TLE3: variants seen among roughly 807,000 people sequenced by gnomAD.
TLE3 encodes the protein TLE family member 3, transcriptional corepressor, also known as transducin-like enhancer protein 3.
TLE3 carries 14 observed loss-of-function variants against 93.0 expected under a neutral mutation model. The ratio of observed to expected loss-of-function variants is 0.15; its 90% confidence interval spans 0.10 to 0.24. The LOEUF is 0.24. Ranked by LOEUF, TLE3 falls within the 10% of genes least tolerant of loss-of-function variation. TLE3 has a pLI of 1.00. For missense variants in TLE3, 693 were observed against 1,046.6 expected, an observed-to-expected ratio of 0.66 and a Z score of 4.66; for synonymous variants, 451 against 425.0, an observed-to-expected ratio of 1.06 and a Z score of -0.75.
At chr15:70,078,039 T>G (rs1474002471) in intron 4 of TLE3, among the ~76,000 whole-genome samples, 1 of 152,212 alleles carries the variant, frequency 6.6e-6, no homozygotes, top group Non-Finnish European at 1.5e-5. Context: ...GCCCGTTCTG[T>G]GCACTGCAGG....
At chr15:70,051,363 A>G (rs1566977430) in intron 19 of TLE3, 28 bp downstream of exon 19, 1 of 1,587,514 alleles carries the variant, frequency 6.3e-7, no homozygotes, top group Non-Finnish European at 8.6e-7. Context: ...GGTAGAACCC[A>G]GAGGAGGACT....
At chr15:70,064,738 C>T (rs548321388) in intron 7 of TLE3, among the ~76,000 whole-genome samples, 1 of 152,050 alleles carries the variant, frequency 6.6e-6, no homozygotes, top group African/African-American at 2.4e-5. Context: ...CAAGGGAGGC[C>T]CAGTCCCCAG....
chr15:70,054,347 G>A (rs2055828550), intron 16 of TLE3, 91 bp downstream of exon 16: 2 of 1,533,076 alleles, frequency 1.3e-6, no homozygotes, highest in African/African-American at 1.4e-5. Context: ...CAGTGCCTCA[G>A]ACAGGGCCAA....
At chr15:70,086,281 CA>C (rs2058033044) in intron 4 of TLE3, among the ~76,000 whole-genome samples, 1 of 152,202 alleles carries the variant, frequency 6.6e-6, no homozygotes, top group Admixed American at 6.5e-5. Context: ...TCATTTTCCC[CA>C]GCAGAAATCA....
At position 70,056,333 on chromosome 15, in the gene TLE3, G is replaced by C; in HGVS notation, c.1293C>G (p.Leu431=). 6.2e-7 allele frequency: 1 copy of C among 1,613,666 alleles called. No homozygotes were observed. Among genetic ancestry groups the C allele is most frequent in the South Asian group, 1.1e-5 (1 of 91,086 alleles). ...DPHPPMRATG[L]PSSLASIPGG... is the part of the protein sequence containing the mutation. ...CAGGAATGGAGGCCAGGCTTGAGGG[G>C]AGGCCTGTGGCCCGCATCGGGGGGT... Residue 431 remains leucine, a synonymous_variant, in exon 14 of 20, where the codon CTC becomes CTG. Transcript: ENST00000451782.
intron 1 of TLE3, 175 bp from the exon 2 acceptor site, chr15:70,096,436 C>T: frequency 8.0e-7 from 1 of 1,253,208 alleles, no homozygotes; most frequent in Non-Finnish European, 1.1e-6. Context: ...CCATCTCTCC[C>T]CGTCGGCAGC....
Position 70,047,891 on chromosome 15 carries a change from T to C in TLE3, c.*2206A>G, listed in dbSNP as rs1340138655. The C allele has an allele frequency of 6.6e-6, 1 of 152,208 alleles. No individual in the cohort carries two copies. The highest frequency in any genetic ancestry group is 1.5e-5 in the Non-Finnish European group (1 of 68,060). 9.4% of individuals were successfully genotyped at this position (152,208 alleles called of 1,614,324 possible). ...AACCTGTGGTCTTCCTTCACCTCAG[T>C]GAACTCTGCCCTGCCCATCTGTCCA... On this transcript the variant is annotated 3_prime_UTR_variant, in exon 20 of 20. Transcript: ENST00000451782.
chr15:70,089,111 C>G (rs150636814), intron 4 of TLE3, among the ~76,000 whole-genome samples: 11 of 152,204 alleles, frequency 7.2e-5, no homozygotes, highest in Non-Finnish European at 1.3e-4. Flanking sequence ...ACTGCCTTGC[C>G]GCGAGCTGTT....
At chr15:70,074,389 C>T in intron 6 of TLE3, 144 bp downstream of exon 6, 1 of 1,023,266 alleles carries the variant, frequency 9.8e-7, no homozygotes, top group Non-Finnish European at 1.4e-6. Flanking sequence ...GGGTCCAAGC[C>T]CTTGGGGTGC....
At chr15:70,062,280 C>T (rs1040493433) in intron 8 of TLE3, among the ~76,000 whole-genome samples, 1 of 152,228 alleles carries the variant, frequency 6.6e-6, no homozygotes, top group African/African-American at 2.4e-5. Context: ...GCAGAAAAAT[C>T]ACCGTCATTT....
chr15:70,060,957 T>G (rs977032924), intron 8 of TLE3, among the ~76,000 whole-genome samples: 14 of 152,222 alleles, frequency 9.2e-5, no homozygotes, highest in African/African-American at 3.4e-4. Context: ...CTACGCTCTG[T>G]GAGGGCGAGG....
At position 70,082,958 on chromosome 15, in the gene TLE3, T is replaced by C. The variant is rs368108945; in HGVS notation, c.235-6800A>G. 2.8e-4 allele frequency among the ~76,000 whole-genome samples: 42 copies of C among 151,586 alleles called. No homozygotes were observed. The Middle Eastern group carries it at 0.01, about 37-fold the overall frequency. On this transcript the variant is annotated intron_variant, in intron 4 of 19. Transcript: ENST00000451782. ...CCTCTTTTCTTCCAGGGGTCTACAG[T>C]GTAAGGGAACTGGGGATGGTTAGGC... is the stretch of plus-strand genomic sequence containing the variant.
In TLE3 at chr15:70,054,573, C is replaced by T. The variant is rs1227732728; in HGVS notation, c.1691G>A (p.Arg564His). The T allele has an allele frequency of 1.2e-6, 2 of 1,613,670 alleles. No homozygotes were observed. The highest frequency in any genetic ancestry group is 1.7e-6 in the Non-Finnish European group (2 of 1,179,814). Residue 564 changes from arginine (R) to histidine (H), a missense_variant, in exon 16 of 20, where the codon CGC becomes CAC. Around this residue, in one of 4 missense-constraint regions of TLE3, gnomAD observed 153 missense variants for 379.9 expected, o/e 0.40. Coordinates refer to ENST00000451782, the MANE Select transcript of TLE3 (RefSeq NM_001105192.3). The part of the protein sequence containing the change: ...TIWDLASPTP[R>H]IKAELTSSAP... ...CGAGGACGTCAGCTCGGCCTTGATG[C>T]GGGGCGTGGGCGAGGCCAGGTCCCA...
intron 6 of TLE3, chr15:70,066,549 G>C (rs2056831078): frequency 4.0e-6 from 1 of 252,098 alleles, no homozygotes; most frequent in Non-Finnish European, 7.6e-6. Flanking sequence ...CAGAGTCATG[G>C]GGTTCCCTCT....
At chr15:70,086,966 T>C (rs1030034284) in intron 4 of TLE3, among the ~76,000 whole-genome samples, 4 of 152,250 alleles carry the variant, frequency 2.6e-5, no homozygotes, top group Admixed American at 6.5e-5. Flanking sequence ...TAAAGGCTCA[T>C]GACACCTTTA....
chr15:70,088,829 G>A (rs546094339), intron 4 of TLE3, among the ~76,000 whole-genome samples: 3 of 152,330 alleles, frequency 2.0e-5, no homozygotes, highest in South Asian at 2.1e-4. Flanking sequence ...AGCATATTAC[G>A]GTAGGAAAGC....
At chr15:70,084,831 T>G (rs618468) in intron 4 of TLE3, among the ~76,000 whole-genome samples, 47,719 of 152,104 alleles carry the variant, frequency 0.31, 7,809 homozygotes, top group African/African-American at 0.39. Context: ...CCTCTATGTC[T>G]GAGGCCTTGA....
At chr15:70,065,963 GC>G (rs1480697413) in intron 7 of TLE3, 50 bp downstream of exon 7, 7 of 1,475,416 alleles carry the variant, frequency 4.7e-6, no homozygotes, top group Non-Finnish European at 5.6e-6. Flanking sequence ...GCCTATGAGC[GC>G]CCATGCCCAC....
At chr15:70,050,345 G>C (rs780030542) in intron 19 of TLE3, 141 bp from the exon 20 acceptor site, 2 of 677,096 alleles carry the variant, frequency 3.0e-6, no homozygotes, top group Admixed American at 4.4e-5. Context: ...CTGATGCTCC[G>C]ACCTGGAGCA....
Sources: gnomAD v4.1 joint callset for allele counts (sites outside exome capture counted in the v4.1 genomes callset) on GRCh38, gnomAD v4.1.1 for gene constraint, gnomAD v4.1.1 regional missense constraint, MANE v1.5 for transcripts, NCBI Gene and HGNC (gene_info 2026-07-23, HGNC 2026-07-21) for gene names.